The following PLXDC2 variants were observed in gnomAD, a reference collection of about 807,000 sequenced individuals.
PLXDC2 encodes the protein plexin domain-containing protein 2.
PLXDC2 carries 40 observed loss-of-function variants against 68.9 expected under a neutral mutation model. The ratio of observed to expected loss-of-function variants is 0.58; its 90% confidence interval spans 0.45 to 0.76. PLXDC2 has a LOEUF of 0.76. PLXDC2 is among the 30% of genes least tolerant of loss of function. PLXDC2 has a pLI of 0.00. For synonymous variants in PLXDC2, 243 were observed against 234.2 expected, an observed-to-expected ratio of 1.04 and a Z score of -0.34; for missense variants, 644 against 661.9, an observed-to-expected ratio of 0.97 and a Z score of 0.30.
At chr10:20,250,513 C>T (rs553923222) in intron 13 of PLXDC2, among the ~76,000 whole-genome samples, 2 of 152,298 alleles carry the variant, frequency 1.3e-5, no homozygotes, top group East Asian at 1.9e-4. Flanking sequence ...AGATTATCTT[C>T]ATCTCATAGA....
rs146629543 is a variant in PLXDC2 at position 19,825,437 on chromosome 10, T to C, written c.112+8246T>C. ...ATAAAACTGATATATTCTCTTTGAG[T>C]ATGATGCTTGGTAAGTACACTCTGG... On this transcript the variant is annotated intron_variant, in intron 1 of 13. Transcript: ENST00000377252. Among the ~76,000 whole-genome samples, 333 of 152,266 alleles carry C rather than the reference T, an allele frequency of 2.2e-3. 2 individuals are homozygous for C. The highest frequency in any genetic ancestry group is 7.6e-3 in the African/African-American group (316 of 41,542).
chr10:20,149,032 C>G (rs989782570), intron 6 of PLXDC2, among the ~76,000 whole-genome samples: 17 of 151,822 alleles, frequency 1.1e-4, no homozygotes, highest in Non-Finnish European at 2.1e-4. Flanking sequence ...TAATTATAGA[C>G]TATGTCTTAC....
intron 2 of PLXDC2, 41 bp downstream of exon 2, chr10:20,002,027 T>A (rs1409344): frequency 0.51 from 792,726 of 1,565,862 alleles, 203,020 homozygotes; most frequent in East Asian, 0.59. Flanking sequence ...ATTAATGAAT[T>A]TATTTCATGT....
In PLXDC2 at chr10:20,287,114, C is replaced by T. The variant is rs528816587; in HGVS notation, c.*7295C>T. 1 of 152,322 alleles carries T rather than the reference C, an allele frequency of 6.6e-6. No individual in the cohort carries two copies. Among genetic ancestry groups the T allele is most frequent in the East Asian group, 1.9e-4 (1 of 5,172 alleles). The allele number at this position is 152,322 out of a possible 1,614,324, so 9.4% of individuals were successfully genotyped here. On this transcript the variant is annotated 3_prime_UTR_variant, in exon 14 of 14. Transcript: ENST00000377252. ...TCATTCAGACATCCAGACACTGGGG[C>T]ACATATTCTGCAAGCAATGCTGAGA... is the stretch of plus-strand genomic sequence containing the variant.
intron 1 of PLXDC2, among the ~76,000 whole-genome samples, chr10:19,927,206 G>A (rs1833550327): frequency 6.6e-6 from 1 of 152,274 alleles, no homozygotes; most frequent in Admixed American, 6.5e-5. Context: ...ACCCCACCTT[G>A]TGAAAGTAAC....
chr10:20,040,186 T>A (rs561366143), intron 2 of PLXDC2, among the ~76,000 whole-genome samples: 1 of 152,218 alleles, frequency 6.6e-6, no homozygotes, highest in African/African-American at 2.4e-5. Flanking sequence ...CCTTAGCCAA[T>A]CATCTGAGGC....
At chr10:20,143,606 C>A (rs1056859179) in intron 5 of PLXDC2, among the ~76,000 whole-genome samples, 189 bp downstream of exon 5, 1 of 152,036 alleles carries the variant, frequency 6.6e-6, no homozygotes, top group African/African-American at 2.4e-5. Context: ...TCATTCAACA[C>A]ATTTATTAAC....
At chr10:20,074,404 C>T (rs1222328156) in intron 4 of PLXDC2, among the ~76,000 whole-genome samples, 1 of 152,040 alleles carries the variant, frequency 6.6e-6, no homozygotes, top group Non-Finnish European at 1.5e-5. Flanking sequence ...TCCTTTGTCT[C>T]TTAGTTCACC....
intron 1 of PLXDC2, among the ~76,000 whole-genome samples, chr10:19,977,322 G>A (rs1485818614): frequency 6.6e-6 from 1 of 152,166 alleles, no homozygotes; most frequent in Non-Finnish European, 1.5e-5. Context: ...AGAATCTCTG[G>A]CCTAACCTCA....
chr10:20,069,186 C>T (rs1165389191), intron 4 of PLXDC2, among the ~76,000 whole-genome samples: 2 of 152,020 alleles, frequency 1.3e-5, no homozygotes, highest in African/African-American at 2.4e-5. Flanking sequence ...AATATAAGAC[C>T]TAGAAGATAT....
At chr10:19,963,157 T>C (rs1834190510) in intron 1 of PLXDC2, among the ~76,000 whole-genome samples, 1 of 152,150 alleles carries the variant, frequency 6.6e-6, no homozygotes, top group African/African-American at 2.4e-5. Context: ...GAAGTAGACA[T>C]TAAAGGAAGG....
At chr10:19,876,127 T>C (rs573802460) in intron 1 of PLXDC2, among the ~76,000 whole-genome samples, 1 of 152,210 alleles carries the variant, frequency 6.6e-6, no homozygotes, top group East Asian at 1.9e-4. Context: ...CTGTTTACAC[T>C]ATGGGTCTGG....
Position 20,283,920 on chromosome 10 carries a change from G to T in PLXDC2, c.*4101G>T, listed in dbSNP as rs1044592717. On this transcript the variant is annotated 3_prime_UTR_variant, in exon 14 of 14. Transcript: ENST00000377252. The stretch of plus-strand genomic sequence containing the variant: ...TTATTTTAAATTATGCTAATATCCA[G>T]ATACATATTCTAAGGTTAGTATCAT... 7 of 152,042 alleles carry T rather than the reference G, an allele frequency of 4.6e-5. No individual in the cohort carries two copies. The highest frequency in any genetic ancestry group is 4.4e-5 in the Non-Finnish European group (3 of 68,020). 9.4% of individuals were successfully genotyped at this position (152,042 alleles called of 1,614,324 possible).
intron 1 of PLXDC2, among the ~76,000 whole-genome samples, chr10:19,833,635 C>A (rs1836736297): frequency 6.6e-6 from 1 of 152,168 alleles, no homozygotes; most frequent in Non-Finnish European, 1.5e-5. Flanking sequence ...TACTTTGAAG[C>A]AAGAAAATAC....
At chr10:20,076,948 C>T (rs889117320) in intron 4 of PLXDC2, among the ~76,000 whole-genome samples, 12 of 152,058 alleles carry the variant, frequency 7.9e-5, no homozygotes, top group African/African-American at 2.7e-4. Context: ...GATAGAATCT[C>T]GAAATATTTC....
At chr10:19,821,812 G>C (rs773418293) in intron 1 of PLXDC2, among the ~76,000 whole-genome samples, 1 of 152,048 alleles carries the variant, frequency 6.6e-6, no homozygotes, top group Non-Finnish European at 1.5e-5. Flanking sequence ...CTATTAGGTG[G>C]GACTTTCAAA....
chr10:20,235,192 A>G (rs116971205), intron 12 of PLXDC2, among the ~76,000 whole-genome samples: 2,263 of 152,260 alleles, frequency 0.015, 30 homozygotes, highest in Non-Finnish European at 0.022. Context: ...TTGAAAAACT[A>G]TTCACTGAAA....
chr10:20,208,915 T>C (rs1835030068), intron 9 of PLXDC2, among the ~76,000 whole-genome samples: 1 of 151,878 alleles, frequency 6.6e-6, no homozygotes, highest in Non-Finnish European at 1.5e-5. Flanking sequence ...AACCAGCAAG[T>C]TTTTATTAGT....
intron 1 of PLXDC2, among the ~76,000 whole-genome samples, chr10:19,987,662 C>A (rs1434543103): frequency 6.6e-6 from 1 of 151,702 alleles, no homozygotes; most frequent in Non-Finnish European, 1.5e-5. Context: ...CCAGGGTTCA[C>A]GCCATTCTCC....
Sources: allele counts gnomAD v4.1 joint callset (sites outside exome capture counted in the v4.1 genomes callset), GRCh38; gene constraint gnomAD v4.1.1; transcripts MANE v1.5; gene names NCBI Gene and HGNC (gene_info 2026-07-23, HGNC 2026-07-21).